SPATA17: variants seen among roughly 807,000 people sequenced by gnomAD.
SPATA17 encodes the protein spermatogenesis-associated protein 17.
A neutral mutation model predicts 62.2 loss-of-function variants in SPATA17; 53 were observed. The observed-to-expected ratio is 0.85, with a 90% CI of 0.68 to 1.07. The LOEUF (loss-of-function observed/expected upper bound fraction) is 1.07, where lower values mean the gene tolerates loss of function less well. Among genes scored for constraint, SPATA17 ranks in the 50% least tolerant of loss-of-function variants. The pLI, the probability that SPATA17 is intolerant of heterozygous loss-of-function variation, is 0.00. For missense variants in SPATA17, 466 were observed against 425.5 expected (o/e 1.10, Z -0.84); for synonymous variants, 146 against 146.8 (o/e 0.99, Z 0.04).
At chr1:217,653,115 A>C (rs1342145662) in intron 3 of SPATA17, among the ~76,000 whole-genome samples, 1 of 152,172 alleles carries the variant, frequency 6.6e-6, no homozygotes, top group African/African-American at 2.4e-5. Flanking sequence ...CTTATGCATA[A>C]TCACATGATA....
At chr1:217,814,251 C>A (rs1230048820) in intron 9 of SPATA17, among the ~76,000 whole-genome samples, 1 of 152,072 alleles carries the variant, frequency 6.6e-6, no homozygotes, top group Non-Finnish European at 1.5e-5. Context: ...CATGGTAAGC[C>A]ATTTTTAAAA....
chr1:217,758,967 G>A (rs974991582), intron 6 of SPATA17, among the ~76,000 whole-genome samples: 2 of 152,106 alleles, frequency 1.3e-5, no homozygotes, highest in African/African-American at 4.8e-5. Context: ...TGGGCATGAA[G>A]GCATCAAAGA....
chr1:217,751,645 G>A (rs1558591966), intron 6 of SPATA17, among the ~76,000 whole-genome samples: 3 of 152,126 alleles, frequency 2.0e-5, no homozygotes, highest in Admixed American at 2.0e-4. Context: ...TCCATTGTCA[G>A]TTCTCTTTGA....
At chr1:217,804,177 T>C (rs746856277) in intron 9 of SPATA17, among the ~76,000 whole-genome samples, 3 of 152,094 alleles carry the variant, frequency 2.0e-5, no homozygotes, top group Non-Finnish European at 2.9e-5. Context: ...TAGTAATCAA[T>C]ACAACATGGT....
intron 4 of SPATA17, among the ~76,000 whole-genome samples, chr1:217,669,325 C>T (rs1670782578): frequency 6.6e-6 from 1 of 152,054 alleles, no homozygotes; most frequent in Non-Finnish European, 1.5e-5. Context: ...ATCTCTGAGC[C>T]ATAACTAGAG....
intron 9 of SPATA17, among the ~76,000 whole-genome samples, chr1:217,823,395 T>A (rs1035832586): frequency 3.3e-5 from 5 of 151,948 alleles, no homozygotes; most frequent in African/African-American, 1.2e-4. Context: ...GAGAATGTTG[T>A]TTTTTAGGAG....
At chr1:217,768,554 T>A (rs1002168555) in intron 6 of SPATA17, among the ~76,000 whole-genome samples, 1 of 151,460 alleles carries the variant, frequency 6.6e-6, no homozygotes, top group South Asian at 2.1e-4. Context: ...TGCAATGGCG[T>A]GATCTCAGCT....
chr1:217,823,467 A>AT (rs1674918126), intron 9 of SPATA17, among the ~76,000 whole-genome samples: 1 of 151,784 alleles, frequency 6.6e-6, no homozygotes, highest in Non-Finnish European at 1.5e-5. Flanking sequence ...CTAAGCATCT[A>AT]TTTTTTTAGC....
intron 8 of SPATA17, among the ~76,000 whole-genome samples, chr1:217,801,145 T>C (rs1008732849): frequency 6.6e-6 from 1 of 152,224 alleles, no homozygotes; most frequent in Non-Finnish European, 1.5e-5. Context: ...TTCATTGTAA[T>C]AACCCTATAT....
chr1:217,848,711 T>C (rs1179183143), intron 9 of SPATA17, among the ~76,000 whole-genome samples: 1 of 152,154 alleles, frequency 6.6e-6, no homozygotes, highest in Admixed American at 6.6e-5. Context: ...TTTTAAGCCA[T>C]TGTTATCTGT....
At chr1:217,781,533 G>A (rs1249769536) in intron 7 of SPATA17, among the ~76,000 whole-genome samples, 2 of 152,146 alleles carry the variant, frequency 1.3e-5, no homozygotes, top group African/African-American at 2.4e-5. Flanking sequence ...ACTTTTCACA[G>A]TGCAGCTGTG....
intron 3 of SPATA17, among the ~76,000 whole-genome samples, chr1:217,654,846 G>A (rs1179482462): frequency 6.6e-6 from 1 of 151,714 alleles, no homozygotes; most frequent in Non-Finnish European, 1.5e-5. Context: ...CCGAGTAGCT[G>A]GGACTACAGG....
At chr1:217,745,854 A>G (rs866140609) in intron 6 of SPATA17, among the ~76,000 whole-genome samples, 4 of 152,100 alleles carry the variant, frequency 2.6e-5, no homozygotes, top group Non-Finnish European at 4.4e-5. Flanking sequence ...ACAACCATTT[A>G]TACTTACGAT....
chr1:217,657,542 G>C (rs1670471001), intron 3 of SPATA17, among the ~76,000 whole-genome samples: 1 of 152,156 alleles, frequency 6.6e-6, no homozygotes, highest in Non-Finnish European at 1.5e-5. Flanking sequence ...CCTCTGCACT[G>C]TCACACACTT....
chr1:217,682,828 C>T (rs1671118612), intron 4 of SPATA17, among the ~76,000 whole-genome samples: 1 of 151,408 alleles, frequency 6.6e-6, no homozygotes, highest in African/African-American at 2.4e-5. Flanking sequence ...ATTTTGATAC[C>T]ACTGAATTTA....
chr1:217,637,851 T>C (rs1353636067), intron 1 of SPATA17, among the ~76,000 whole-genome samples: 1 of 152,170 alleles, frequency 6.6e-6, no homozygotes, highest in Admixed American at 6.5e-5. Context: ...AGTGCAACAG[T>C]TCAAATCCTA....
At chr1:217,660,226 G>A (rs1257894601) in intron 3 of SPATA17, among the ~76,000 whole-genome samples, 1 of 152,080 alleles carries the variant, frequency 6.6e-6, no homozygotes, top group East Asian at 1.9e-4. Context: ...AGTAAAATTT[G>A]GGAATACTGA....
chr1:217,787,915 A>T (rs1270256040), intron 8 of SPATA17, among the ~76,000 whole-genome samples: 1 of 152,196 alleles, frequency 6.6e-6, no homozygotes, highest in Non-Finnish European at 1.5e-5. Context: ...GATCACAGAG[A>T]ATTTTAGGCT....
At chr1:217,730,334 C>A (rs1281909255) in intron 5 of SPATA17, among the ~76,000 whole-genome samples, 5 of 151,702 alleles carry the variant, frequency 3.3e-5, no homozygotes, top group African/African-American at 4.8e-5. Flanking sequence ...TCTCCTGCCT[C>A]AGCCTCAGAG....
Sources: gnomAD v4.1 joint callset for allele counts (sites outside exome capture counted in the v4.1 genomes callset) on GRCh38, gnomAD v4.1.1 for gene constraint, MANE v1.5 for transcripts, NCBI Gene and HGNC (gene_info 2026-07-23, HGNC 2026-07-21) for gene names.